PRKG2: variants seen among roughly 807,000 people sequenced by gnomAD.
PRKG2 encodes the protein protein kinase cGMP-dependent 2.
A neutral mutation model predicts 97.2 loss-of-function variants in PRKG2; 33 were observed. The observed-to-expected ratio is 0.34, with a 90% CI of 0.26 to 0.45. PRKG2 has a LOEUF of 0.45. Among genes scored for constraint, PRKG2 ranks in the 20% least tolerant of loss-of-function variants. PRKG2 has a pLI of 1.00. For missense variants in PRKG2, 638 were observed against 900.0 expected (o/e 0.71, Z 3.73); for synonymous variants, 330 against 321.8 (o/e 1.03, Z -0.27).
At chr4:81,194,307 CGTCA>C (rs1159034458) in intron 2 of PRKG2, among the ~76,000 whole-genome samples, 3 of 152,004 alleles carry the variant, frequency 2.0e-5, no homozygotes, top group East Asian at 3.9e-4. Context: ...AGTTGGAAAA[CGTCA>C]GTCACCCTAA....
intron 6 of PRKG2, among the ~76,000 whole-genome samples, chr4:81,158,999 T>TA (rs1301233392): frequency 6.6e-6 from 1 of 151,606 alleles, no homozygotes; most frequent in Non-Finnish European, 1.5e-5. Flanking sequence ...CCTAAAACCA[T>TA]AAAAACCCTA....
intron 14 of PRKG2, among the ~76,000 whole-genome samples, chr4:81,120,241 C>T (rs1744947266): frequency 6.6e-6 from 1 of 152,298 alleles, no homozygotes; most frequent in Non-Finnish European, 1.5e-5. Flanking sequence ...TCTACACCTT[C>T]CGATTTCTGT....
intron 4 of PRKG2, among the ~76,000 whole-genome samples, chr4:81,171,388 C>T (rs1428860718): frequency 6.6e-6 from 1 of 151,994 alleles, no homozygotes; most frequent in Non-Finnish European, 1.5e-5. Context: ...GTATACATAC[C>T]ACATTTTCTT....
At chr4:81,180,922 G>A (rs920700579) in intron 2 of PRKG2, among the ~76,000 whole-genome samples, 1 of 151,902 alleles carries the variant, frequency 6.6e-6, no homozygotes, top group African/African-American at 2.4e-5. Context: ...CCATGTTGGT[G>A]TGCTGCACCC....
At chr4:81,184,207 C>T (rs1751677712) in intron 2 of PRKG2, among the ~76,000 whole-genome samples, 1 of 152,318 alleles carries the variant, frequency 6.6e-6, no homozygotes, top group African/African-American at 2.4e-5. Flanking sequence ...CTGGGAGACA[C>T]CTCCCAGCAG....
At position 81,123,842 on chromosome 4, in the gene PRKG2, G is replaced by A. The variant is rs115251341; in HGVS notation, c.1776+11313C>T. On this transcript the variant is annotated intron_variant, in intron 14 of 18. Coordinates refer to ENST00000264399, the MANE Select transcript of PRKG2 (RefSeq NM_006259.3). ...TTTTTGGATTTTCTGTTTCCTTTGC[G>A]GCCTTCTTTTAAAATAACATTTTCT... Among the ~76,000 whole-genome samples, 1,493 of 151,628 alleles carry A rather than the reference G, an allele frequency of 9.8e-3. 27 individuals are homozygous for A. The highest frequency in any genetic ancestry group is 0.034 in the African/African-American group (1,406 of 41,336).
intron 14 of PRKG2, among the ~76,000 whole-genome samples, chr4:81,126,972 T>C (rs1745653492): frequency 6.6e-6 from 1 of 152,220 alleles, no homozygotes; most frequent in Non-Finnish European, 1.5e-5. Context: ...TGGTACCGCC[T>C]AGGTTTCCTT....
At chr4:81,188,583 T>C (rs1375631380) in intron 2 of PRKG2, among the ~76,000 whole-genome samples, 1 of 135,230 alleles carries the variant, frequency 7.4e-6, no homozygotes, top group East Asian at 2.3e-4. Context: ...TGTATGTTTA[T>C]TGCGGCACTA....
chr4:81,141,704 A>G (rs1288072957), intron 11 of PRKG2, among the ~76,000 whole-genome samples: 1 of 152,180 alleles, frequency 6.6e-6, no homozygotes, highest in South Asian at 2.1e-4. Context: ...TCAATGGTGG[A>G]TTTACTGCTT....
intron 12 of PRKG2, among the ~76,000 whole-genome samples, chr4:81,138,382 T>C (rs538812601): frequency 1.3e-5 from 2 of 152,256 alleles, no homozygotes; most frequent in South Asian, 2.1e-4. Context: ...CATACACAGA[T>C]AGAAGAAGCA....
intron 14 of PRKG2, among the ~76,000 whole-genome samples, chr4:81,127,464 G>A (rs1159997199): frequency 1.3e-5 from 2 of 152,160 alleles, no homozygotes; most frequent in East Asian, 3.9e-4. Flanking sequence ...TCCTATCCAT[G>A]AGCATGGAAT....
intron 14 of PRKG2, among the ~76,000 whole-genome samples, chr4:81,129,941 A>ATTTG (rs2110017995): frequency 6.6e-6 from 1 of 152,244 alleles, no homozygotes; most frequent in Admixed American, 6.5e-5. Context: ...GTTCTTTACA[A>ATTTG]TTTGCAATGT....
At chr4:81,167,009 T>G in intron 6 of PRKG2, 152 bp downstream of exon 6, 5 of 546,166 alleles carry the variant, frequency 9.2e-6, no homozygotes, top group East Asian at 6.4e-5. Context: ...TAACACAGCA[T>G]GAGTTGGCTT....
intron 14 of PRKG2, among the ~76,000 whole-genome samples, chr4:81,127,195 C>T (rs1745678322): frequency 6.6e-6 from 1 of 152,116 alleles, no homozygotes; most frequent in African/African-American, 2.4e-5. Context: ...GGCATTATTT[C>T]TGAGGCCTCT....
chr4:81,155,304 G>A (rs991550732), intron 6 of PRKG2, among the ~76,000 whole-genome samples: 15 of 151,962 alleles, frequency 9.9e-5, no homozygotes, highest in African/African-American at 3.6e-4. Flanking sequence ...AGGAGCCGAT[G>A]CGATCAGCTG....
In PRKG2 at chr4:81,153,729, G is replaced by T. The variant is rs775462273; in HGVS notation, c.913-8C>A. On this transcript the variant is annotated splice_region_variant and splice_polypyrimidine_tract_variant and intron_variant, in intron 6 of 18. Transcript: ENST00000264399. Reference sequence around the variant, plus strand: ...TCCTTTGTCATAGTATTCCTGTTGGGATGAGAGAGAAAGAAAATGTAAGAG... The same window carrying T: ...TCCTTTGTCATAGTATTCCTGTTGGTATGAGAGAGAAAGAAAATGTAAGAG... 2 of 1,588,596 alleles carry T rather than the reference G, an allele frequency of 1.3e-6. No homozygotes were observed. The highest frequency in any genetic ancestry group is 2.7e-5 in the African/African-American group (2 of 74,426).
intron 15 of PRKG2, among the ~76,000 whole-genome samples, chr4:81,109,437 G>A (rs1487044901): frequency 6.6e-6 from 1 of 152,190 alleles, no homozygotes; most frequent in African/African-American, 2.4e-5. Context: ...CAGTTAACCA[G>A]AAATGGAGCT....
At chr4:81,153,755 CG>C (rs1560584762) in intron 6 of PRKG2, 34 bp from the exon 7 acceptor site, 1 of 1,516,340 alleles carries the variant, frequency 6.6e-7, no homozygotes, top group African/African-American at 1.4e-5. Flanking sequence ...AATGTAAGAG[CG>C]GGTGGAGCCA....
At chr4:81,163,474 C>T (rs1368589766) in intron 6 of PRKG2, among the ~76,000 whole-genome samples, 1 of 152,164 alleles carries the variant, frequency 6.6e-6, no homozygotes, top group Non-Finnish European at 1.5e-5. Flanking sequence ...TCCCAATACA[C>T]ACACAAGAGC....
Sources: allele counts gnomAD v4.1 joint callset (sites outside exome capture counted in the v4.1 genomes callset), GRCh38; gene constraint gnomAD v4.1.1; transcripts MANE v1.5; gene names NCBI Gene and HGNC (gene_info 2026-07-23, HGNC 2026-07-21).